Variants in SMOC2 observed in about 807,000 individuals in gnomAD.
SMOC2 encodes SPARC-related modular calcium-binding protein 2.
A neutral mutation model predicts 61.4 loss-of-function variants in SMOC2; 39 were observed. That is an observed-to-expected ratio of 0.64 (90% CI 0.49 to 0.83). The LOEUF (loss-of-function observed/expected upper bound fraction) is 0.83. SMOC2 is among the 40% of genes least tolerant of loss of function. The pLI is 0.00. For synonymous variants in SMOC2, 247 were observed against 239.9 expected (o/e 1.03, Z -0.27); for missense variants, 556 against 592.9 (o/e 0.94, Z 0.65).
At chr6:168,655,488 A>C (rs569593443) in intron 11 of SMOC2, 1 of 452,498 alleles carries the variant, frequency 2.2e-6, no homozygotes, top group Admixed American at 2.4e-5. Flanking sequence ...CAGAGACAGC[A>C]CTGTGAGATG....
intron 1 of SMOC2, among the ~76,000 whole-genome samples, chr6:168,457,659 C>G (rs548677929): frequency 1.3e-5 from 2 of 152,176 alleles, no homozygotes; most frequent in African/African-American, 4.8e-5. Flanking sequence ...GCAGCCCCGG[C>G]CCAGACCCAC....
intron 9 of SMOC2, among the ~76,000 whole-genome samples, chr6:168,613,840 T>C: frequency 8.7e-6 from 1 of 114,788 alleles, no homozygotes; most frequent in Admixed American, 9.1e-5. Flanking sequence ...TCTTCACACC[T>C]ACAGCCAGCA....
intron 1 of SMOC2, among the ~76,000 whole-genome samples, chr6:168,462,951 C>G (rs1478532615): frequency 1.3e-5 from 2 of 152,146 alleles, no homozygotes; most frequent in Non-Finnish European, 1.5e-5. Flanking sequence ...TTCAAATGAC[C>G]TCTATAAATG....
At chr6:168,649,266 G>GGAATCTAAA (rs1180235420) in intron 9 of SMOC2, among the ~76,000 whole-genome samples, 4 of 152,214 alleles carry the variant, frequency 2.6e-5, no homozygotes, top group African/African-American at 9.7e-5. Flanking sequence ...AGTAAAAAAT[G>GGAATCTAAA]GAATCTAAAT....
intron 7 of SMOC2, among the ~76,000 whole-genome samples, chr6:168,570,042 G>T (rs1002053556): frequency 6.6e-6 from 1 of 151,790 alleles, no homozygotes; most frequent in Non-Finnish European, 1.5e-5. Flanking sequence ...CGTAAGGTCC[G>T]TGTCTAGACG....
At chr6:168,501,579 A>C (rs1472552176) in intron 1 of SMOC2, among the ~76,000 whole-genome samples, 5 of 152,184 alleles carry the variant, frequency 3.3e-5, no homozygotes, top group African/African-American at 1.2e-4. Flanking sequence ...AGATGGAACC[A>C]AGAGCTCTAG....
intron 7 of SMOC2, among the ~76,000 whole-genome samples, chr6:168,587,882 C>T (rs376189985): frequency 4.6e-5 from 7 of 152,200 alleles, no homozygotes; most frequent in African/African-American, 1.2e-4. Flanking sequence ...CCTTTCACAC[C>T]GTCTTAGTCT....
chr6:168,527,228 C>T (rs1000682240), intron 3 of SMOC2, among the ~76,000 whole-genome samples: 17 of 152,178 alleles, frequency 1.1e-4, no homozygotes, highest in African/African-American at 3.4e-4. Context: ...GGGGAGCGGG[C>T]GGTGCAGGCT....
chr6:168,553,850 G>A lies in SMOC2; in HGVS notation c.637+4647G>A, dbSNP rs796798833. On this transcript the variant is annotated intron_variant, in intron 7 of 12. Transcript: ENST00000356284. The surrounding 1 kb of genome is among the most constrained non-coding windows in gnomAD (Gnocchi z 4.2). ...ATGGGAAGATGGAGAACATGTGGAA[G>A]GCCAGCTGTCTCACATTTTGGTAGG... 3.3e-5 allele frequency among the ~76,000 whole-genome samples: 5 copies of A among 152,328 alleles called. No individual in the cohort carries two copies. Among genetic ancestry groups the A allele is most frequent in the African/African-American group, 1.2e-4 (5 of 41,572 alleles).
chr6:168,570,098 A>C (rs1583119416), intron 7 of SMOC2, among the ~76,000 whole-genome samples: 1 of 134,554 alleles, frequency 7.4e-6, no homozygotes, highest in South Asian at 2.5e-4. Context: ...GCATCACGTC[A>C]CCTTGCTTCG....
At chr6:168,502,152 C>G (rs1017902323) in intron 1 of SMOC2, among the ~76,000 whole-genome samples, 1 of 152,226 alleles carries the variant, frequency 6.6e-6, no homozygotes, top group African/African-American at 2.4e-5. Context: ...ACCCTATATT[C>G]ATTTAAATGG....
At position 168,516,024 on chromosome 6, in the gene SMOC2, A is replaced by G. The variant is rs1783124270; in HGVS notation, c.256+5938A>G. 5.3e-5 allele frequency among the ~76,000 whole-genome samples: 8 copies of G among 152,170 alleles called. 1 individual carries two copies. Among genetic ancestry groups the G allele is most frequent in the Admixed American group, 5.2e-4 (8 of 15,282 alleles). On this transcript the variant is annotated intron_variant, in intron 2 of 12. Transcript: ENST00000356284. ...GTAGCACAGTGTCGCCTCGGCACATATGAGGCTGAGGCTGTCTTTAGCATT... is the reference window on the plus strand; with the variant it reads ...GTAGCACAGTGTCGCCTCGGCACATGTGAGGCTGAGGCTGTCTTTAGCATT...
At chr6:168,483,337 T>C (rs1363630020) in intron 1 of SMOC2, among the ~76,000 whole-genome samples, 2 of 152,024 alleles carry the variant, frequency 1.3e-5, no homozygotes, top group South Asian at 2.1e-4. Context: ...ACAATTCTGT[T>C]CAAAATAATA....
At chr6:168,639,080 C>T (rs962652997) in intron 9 of SMOC2, among the ~76,000 whole-genome samples, 5 of 152,122 alleles carry the variant, frequency 3.3e-5, no homozygotes, top group South Asian at 2.1e-4. Context: ...GGCTTGGTTC[C>T]GACATCCTAG....
At chr6:168,574,194 C>T (rs906765712) in intron 7 of SMOC2, among the ~76,000 whole-genome samples, 1 of 152,270 alleles carries the variant, frequency 6.6e-6, no homozygotes, top group Admixed American at 6.5e-5. Context: ...TCATCCAGCA[C>T]CAGGAAGATG....
intron 1 of SMOC2, among the ~76,000 whole-genome samples, chr6:168,472,805 A>G (rs1352744066): frequency 6.6e-6 from 1 of 152,072 alleles, no homozygotes; most frequent in Non-Finnish European, 1.5e-5. Context: ...ATATTTTACT[A>G]ATACTATAGG....
chr6:168,516,514 C>T (rs982787415), intron 2 of SMOC2, among the ~76,000 whole-genome samples: 2 of 152,138 alleles, frequency 1.3e-5, no homozygotes, highest in African/African-American at 4.8e-5. Flanking sequence ...GTGAAGGGAA[C>T]ATGGTGACAA....
chr6:168,522,605 G>T (rs567125452), intron 2 of SMOC2, among the ~76,000 whole-genome samples: 15 of 152,140 alleles, frequency 9.9e-5, no homozygotes, highest in African/African-American at 3.6e-4. Flanking sequence ...AGGATACCTC[G>T]TGTATGATTA....
At chr6:168,608,338 A>G in intron 9 of SMOC2, 99 bp downstream of exon 9, 3 of 1,345,682 alleles carry the variant, frequency 2.2e-6, no homozygotes, top group South Asian at 2.7e-5. Flanking sequence ...TCTGTTTCCC[A>G]GGGGGCCTGT....
Sources: allele counts gnomAD v4.1 joint callset (sites outside exome capture counted in the v4.1 genomes callset), GRCh38; gene constraint gnomAD v4.1.1; non-coding constraint Gnocchi (gnomAD v3.1); transcripts MANE v1.5; gene names NCBI Gene and HGNC (gene_info 2026-07-23, HGNC 2026-07-21).